LRP1B: variants seen among roughly 807,000 people sequenced by gnomAD.
The protein encoded by LRP1B is LDL receptor related protein 1B.
A neutral mutation model predicts 556.6 loss-of-function variants in LRP1B; 217 were observed. The ratio of observed to expected loss-of-function variants is 0.39; its 90% CI spans 0.35 to 0.44. LRP1B has a LOEUF of 0.44. Ranked by LOEUF, LRP1B falls within the 20% of genes least tolerant of loss-of-function variation. The pLI, the probability that LRP1B is intolerant of heterozygous loss-of-function variation, is 1.00. For synonymous variants in LRP1B, 2,047 were observed against 1,865.8 expected (o/e 1.10, Z -2.50); for missense variants, 5,053 against 5,620.8 (o/e 0.90, Z 3.23).
At chr2:140,913,439 C>G (rs1349520609) in intron 21 of LRP1B, among the ~76,000 whole-genome samples, 4 of 151,930 alleles carry the variant, frequency 2.6e-5, no homozygotes, top group African/African-American at 9.7e-5. Flanking sequence ...CTTTACCAAA[C>G]TATTCTTTTG....
intron 45 of LRP1B, 31 bp downstream of exon 45, chr2:140,540,942 G>A: frequency 6.3e-7 from 1 of 1,597,690 alleles, no homozygotes. Context: ...GAACAGATTT[G>A]TCATATTACA....
At chr2:140,313,269 T>G (rs540679091) in intron 83 of LRP1B, among the ~76,000 whole-genome samples, 1 of 152,082 alleles carries the variant, frequency 6.6e-6, no homozygotes, top group South Asian at 2.1e-4. Context: ...CTAATTTATA[T>G]TATTTAAAAA....
At chr2:141,494,969 C>T (rs934569117) in intron 2 of LRP1B, among the ~76,000 whole-genome samples, 2 of 151,730 alleles carry the variant, frequency 1.3e-5, no homozygotes, top group African/African-American at 4.8e-5. Context: ...CAGAAGAATT[C>T]CTTACATTTA....
chr2:141,633,864 T>C (rs1347966438), intron 2 of LRP1B, among the ~76,000 whole-genome samples: 1 of 152,058 alleles, frequency 6.6e-6, no homozygotes, highest in Non-Finnish European at 1.5e-5. Flanking sequence ...CCACATGTGC[T>C]AATGTTCTTG....
chr2:141,921,254 C>T (rs1488481110), intron 1 of LRP1B, among the ~76,000 whole-genome samples: 1 of 151,998 alleles, frequency 6.6e-6, no homozygotes, highest in African/African-American at 2.4e-5. Flanking sequence ...GTAATTCACA[C>T]TTGTCTTGAA....
chr2:141,178,008 A>G (rs1237488763), intron 7 of LRP1B, among the ~76,000 whole-genome samples: 1 of 152,176 alleles, frequency 6.6e-6, no homozygotes, highest in Non-Finnish European at 1.5e-5. Flanking sequence ...TTTCTAGAAT[A>G]TAACTTTAAA....
At chr2:140,915,101 A>C (rs1454583730) in intron 21 of LRP1B, among the ~76,000 whole-genome samples, 1 of 152,178 alleles carries the variant, frequency 6.6e-6, no homozygotes, top group African/African-American at 2.4e-5. Context: ...CATCAAGGGA[A>C]GCCATTGGAT....
chr2:142,033,710 G>A (rs1387837535), intron 1 of LRP1B, among the ~76,000 whole-genome samples: 2 of 151,668 alleles, frequency 1.3e-5, no homozygotes, highest in South Asian at 2.1e-4. Flanking sequence ...CTGACTCTTT[G>A]AGGACACTCA....
Position 140,808,600 on chromosome 2 carries a change from C to G in LRP1B, c.5359+5057G>C, listed in dbSNP as rs541354619. 3.3e-5 allele frequency among the ~76,000 whole-genome samples: 5 copies of G among 152,232 alleles called. No individual in the cohort carries two copies. In the East Asian group the frequency reaches 9.7e-4, roughly 29 times the overall value. ...CAACTATCATACTATACGTTTTACT[C>G]ATTTATCTGCTTTATGGTCTGTCTT... On this transcript the variant is annotated intron_variant, in intron 32 of 90. Coordinates refer to ENST00000389484, the MANE Select transcript of LRP1B (RefSeq NM_018557.3).
chr2:140,533,805 T>G (rs549731863), intron 47 of LRP1B, among the ~76,000 whole-genome samples: 1 of 151,522 alleles, frequency 6.6e-6, no homozygotes, highest in East Asian at 2.0e-4. Flanking sequence ...ATTATAAGAG[T>G]TTTAAGGGGA....
intron 1 of LRP1B, among the ~76,000 whole-genome samples, chr2:142,062,059 G>A (rs146920283): frequency 1.8e-4 from 28 of 151,894 alleles, no homozygotes; most frequent in African/African-American, 6.3e-4. Flanking sequence ...AATGCATAAT[G>A]TCCACTCCAG....
At chr2:141,699,293 G>T (rs1439411205) in intron 2 of LRP1B, among the ~76,000 whole-genome samples, 1 of 151,790 alleles carries the variant, frequency 6.6e-6, no homozygotes, top group East Asian at 1.9e-4. Flanking sequence ...GCACATCAGG[G>T]TTGCTAACCA....
chr2:140,785,361 C>A (rs1341066688), intron 32 of LRP1B, among the ~76,000 whole-genome samples: 1 of 152,024 alleles, frequency 6.6e-6, no homozygotes, highest in East Asian at 1.9e-4. Flanking sequence ...CAAAAGAGAA[C>A]CTTCCTGCGT....
intron 3 of LRP1B, among the ~76,000 whole-genome samples, chr2:141,400,786 C>A (rs773076118): frequency 2.0e-5 from 3 of 152,250 alleles, no homozygotes; most frequent in Admixed American, 2.0e-4. Flanking sequence ...TTTAATTTCA[C>A]CTTCCCTTTA....
At chr2:141,215,603 A>T (rs1682768535) in intron 6 of LRP1B, among the ~76,000 whole-genome samples, 1 of 152,168 alleles carries the variant, frequency 6.6e-6, no homozygotes, top group Non-Finnish European at 1.5e-5. Flanking sequence ...CAAGCTGAGG[A>T]GGTCTCAGAT....
At chr2:141,498,712 T>C (rs1020812397) in intron 2 of LRP1B, among the ~76,000 whole-genome samples, 5 of 152,086 alleles carry the variant, frequency 3.3e-5, no homozygotes, top group African/African-American at 9.7e-5. Flanking sequence ...ATGGCTCATA[T>C]CTTTTCAGTC....
At chr2:140,739,352 T>C (rs1688058079) in intron 35 of LRP1B, among the ~76,000 whole-genome samples, 2 of 67,984 alleles carry the variant, frequency 2.9e-5, no homozygotes, top group South Asian at 1.5e-3. Context: ...ATATGAACCC[T>C]GCAAAGAGTC....
chr2:141,960,752 A>C (rs916054548), intron 1 of LRP1B, among the ~76,000 whole-genome samples: 1 of 151,914 alleles, frequency 6.6e-6, no homozygotes, highest in Non-Finnish European at 1.5e-5. Flanking sequence ...TGCATTCTGC[A>C]AAGATTATCT....
At chr2:141,929,223 A>G (rs1700419406) in intron 1 of LRP1B, among the ~76,000 whole-genome samples, 1 of 152,110 alleles carries the variant, frequency 6.6e-6, no homozygotes, top group Non-Finnish European at 1.5e-5. Context: ...GACCACTTCC[A>G]ATGCCAAAAG....
Sources: gnomAD v4.1 joint callset for allele counts (sites outside exome capture counted in the v4.1 genomes callset) on GRCh38, gnomAD v4.1.1 for gene constraint, MANE v1.5 for transcripts, NCBI Gene and HGNC (gene_info 2026-07-23, HGNC 2026-07-21) for gene names.